The following FAM193A variants were observed in gnomAD, a reference collection of about 807,000 sequenced individuals.
The protein encoded by FAM193A is protein FAM193A.
Under a neutral mutation model 126.5 loss-of-function variants are expected in FAM193A, and 22 were observed. That is an observed-to-expected ratio of 0.17 (90% CI 0.12 to 0.25). FAM193A has a LOEUF of 0.25. FAM193A is among the 10% of genes least tolerant of loss of function. FAM193A has a pLI of 1.00. For synonymous variants in FAM193A, 761 were observed against 646.8 expected, an observed-to-expected ratio of 1.18 and a Z score of -2.68; for missense variants, 1,675 against 1,672.8, an observed-to-expected ratio of 1.00 and a Z score of -0.02.
chr4:2,537,530 C>T (rs954872400), intron 1 of FAM193A, among the ~76,000 whole-genome samples: 1 of 152,242 alleles, frequency 6.6e-6, no homozygotes, highest in South Asian at 2.1e-4. Flanking sequence ...CTTCGCCTTC[C>T]GCTGGACCCG....
intron 1 of FAM193A, among the ~76,000 whole-genome samples, chr4:2,574,027 C>G (rs897231453): frequency 2.0e-5 from 3 of 152,042 alleles, no homozygotes; most frequent in African/African-American, 7.2e-5. Context: ...GATTTTTATT[C>G]AACAACTTTG....
At chr4:2,632,689 TG>T (rs1553898459) in intron 5 of FAM193A, among the ~76,000 whole-genome samples, 1 of 29,302 alleles carries the variant, frequency 3.4e-5, no homozygotes, top group Non-Finnish European at 6.8e-5. Context: ...GGGTGAGGGG[TG>T]GGGGTGGGGC....
At chr4:2,691,638 T>C (rs1215304379) in intron 15 of FAM193A, among the ~76,000 whole-genome samples, 1 of 151,920 alleles carries the variant, frequency 6.6e-6, no homozygotes, top group Admixed American at 6.6e-5. Context: ...TAGCCAAAGC[T>C]GGGACAGATT....
At chr4:2,629,651 A>G (rs1743348545) in intron 4 of FAM193A, among the ~76,000 whole-genome samples, 1 of 152,210 alleles carries the variant, frequency 6.6e-6, no homozygotes, top group African/African-American at 2.4e-5. Flanking sequence ...CAGGAGCTGT[A>G]GTTTAATACA....
intron 1 of FAM193A, among the ~76,000 whole-genome samples, chr4:2,549,430 T>C (rs911108518): frequency 1.5e-5 from 2 of 134,354 alleles, no homozygotes; most frequent in African/African-American, 5.6e-5. Flanking sequence ...GGAGTCTCGC[T>C]CTGTCGCCCA....
intron 20 of FAM193A, among the ~76,000 whole-genome samples, chr4:2,716,315 C>G (rs1437909304): frequency 6.6e-6 from 1 of 152,192 alleles, no homozygotes; most frequent in African/African-American, 2.4e-5. Context: ...ACTTCTGCTC[C>G]CCCTCACATG....
chr4:2,555,722 G>A (rs1384779878), intron 1 of FAM193A, among the ~76,000 whole-genome samples: 4 of 151,946 alleles, frequency 2.6e-5, no homozygotes, highest in South Asian at 2.1e-4. Context: ...GGCTCACGCC[G>A]TTCTCCTGCC....
chr4:2,650,568 G>A (rs1745560104), intron 7 of FAM193A, among the ~76,000 whole-genome samples: 3 of 152,196 alleles, frequency 2.0e-5, no homozygotes, highest in Admixed American at 2.0e-4. Context: ...TGAAGCCCAG[G>A]GAGAGGCTGC....
intron 6 of FAM193A, among the ~76,000 whole-genome samples, chr4:2,646,159 CTTTTTTTTTTTTTT>C (rs568447182): frequency 1.4e-5 from 1 of 69,094 alleles, no homozygotes; most frequent in South Asian, 8.0e-4. Flanking sequence ...TGAGCATCTC[CTTTTTTTTTTTTTT>C]TTTTTTTTTT....
intron 2 of FAM193A, among the ~76,000 whole-genome samples, chr4:2,625,049 G>T (rs1577090796): frequency 6.6e-6 from 1 of 152,260 alleles, no homozygotes; most frequent in South Asian, 2.1e-4. Flanking sequence ...TGTAGCAGTG[G>T]TGTTTCACCA....
intron 2 of FAM193A, among the ~76,000 whole-genome samples, chr4:2,614,087 C>G (rs1164290418): frequency 6.6e-6 from 1 of 152,136 alleles, no homozygotes; most frequent in Non-Finnish European, 1.5e-5. Flanking sequence ...TTAAAATTTT[C>G]TATGTAGATG....
chr4:2,654,598 TA>T (rs1381925938), intron 7 of FAM193A: 2 of 152,100 alleles, frequency 1.3e-5, no homozygotes, highest in African/African-American at 4.8e-5. Context: ...AAGAGGTTTT[TA>T]TTGATGTTAT....
At chr4:2,651,489 G>T (rs1238337104) in intron 7 of FAM193A, among the ~76,000 whole-genome samples, 1 of 152,170 alleles carries the variant, frequency 6.6e-6, no homozygotes. Flanking sequence ...TTACACAGTG[G>T]CAGGAGAGAG....
chr4:2,666,048 A>G (rs1053303301), intron 12 of FAM193A, among the ~76,000 whole-genome samples: 4 of 152,134 alleles, frequency 2.6e-5, no homozygotes, highest in Non-Finnish European at 5.9e-5. Flanking sequence ...TTGCAAGCAG[A>G]TATCTTTGCC....
chr4:2,578,998 C>T (rs1048378030), intron 1 of FAM193A, among the ~76,000 whole-genome samples: 2 of 151,860 alleles, frequency 1.3e-5, no homozygotes, highest in African/African-American at 4.8e-5. Context: ...CAGGGTCTCG[C>T]TCTGTCACCC....
At position 2,661,954 on chromosome 4, in the gene FAM193A, C is replaced by T. The variant is rs1490193543; in HGVS notation, c.1746-884C>T. On this transcript the variant is annotated intron_variant, in intron 10 of 20. Coordinates refer to ENST00000637812, the MANE Select transcript of FAM193A (RefSeq NM_001366318.2). ...ATCCCAGCACTTTGGGAGGCCGAGG[C>T]GGGCGGATCACGAGGTCAGGGGATT... is the stretch of plus-strand genomic sequence containing the variant. Among the ~76,000 whole-genome samples the T allele has an allele frequency of 3.3e-5, 5 of 152,080 alleles. No individual in the cohort carries two copies. The South Asian group carries it at 6.2e-4, about 19-fold the overall frequency.
chr4:2,718,079 A>T (rs1010281034), intron 20 of FAM193A, among the ~76,000 whole-genome samples: 10 of 152,230 alleles, frequency 6.6e-5, no homozygotes, highest in Non-Finnish European at 1.3e-4. Context: ...TGCCTAAATT[A>T]GTTTTTAAAA....
chr4:2,607,934 T>C (rs1345504309), intron 2 of FAM193A: 4 of 1,352,156 alleles, frequency 3.0e-6, no homozygotes, highest in Middle Eastern at 2.1e-4. Context: ...TGTCGCTTTA[T>C]GAACACAGAT....
chr4:2,636,825 C>T (rs1272075568), intron 5 of FAM193A, among the ~76,000 whole-genome samples: 1 of 152,158 alleles, frequency 6.6e-6, no homozygotes, highest in African/African-American at 2.4e-5. Context: ...ATTTGCTGTG[C>T]AAACTCTGCC....
Sources: gnomAD v4.1 joint callset for allele counts (sites outside exome capture counted in the v4.1 genomes callset) on GRCh38, gnomAD v4.1.1 for gene constraint, MANE v1.5 for transcripts, NCBI Gene and HGNC (gene_info 2026-07-23, HGNC 2026-07-21) for gene names.